Variants in BABAM2 observed in about 807,000 individuals in gnomAD.
The protein encoded by BABAM2 is BRISC and BRCA1-A complex member 2.
BABAM2 carries 31 observed loss-of-function variants against 54.7 expected under a neutral mutation model. The observed-to-expected ratio is 0.57, with a 90% CI of 0.43 to 0.77. BABAM2 has a LOEUF of 0.77. BABAM2 is among the 30% of genes least tolerant of loss of function. The pLI, the probability that BABAM2 is intolerant of heterozygous loss-of-function variation, is 0.00. For missense variants in BABAM2, 364 were observed against 455.8 expected, an observed-to-expected ratio of 0.80 and a Z score of 1.83; for synonymous variants, 167 against 162.9, an observed-to-expected ratio of 1.03 and a Z score of -0.19.
At chr2:28,021,454 T>TC (rs1398851076) in intron 4 of BABAM2, among the ~76,000 whole-genome samples, 1 of 152,190 alleles carries the variant, frequency 6.6e-6, no homozygotes, top group Non-Finnish European at 1.5e-5. Context: ...TTAATATTGT[T>TC]CTTTACATTC....
intron 3 of BABAM2, among the ~76,000 whole-genome samples, chr2:27,985,770 A>G (rs551065253): frequency 1.3e-5 from 2 of 152,294 alleles, no homozygotes; most frequent in African/African-American, 4.8e-5. Flanking sequence ...CTCACTAAAC[A>G]TGAGCTCCTT....
intron 5 of BABAM2, among the ~76,000 whole-genome samples, chr2:28,045,171 G>A (rs1234621640): frequency 2.0e-5 from 3 of 152,110 alleles, no homozygotes; most frequent in South Asian, 4.1e-4. Context: ...AGTTCATGGA[G>A]GGAGTTATGA....
chr2:28,111,668 T>C (rs536142024), intron 6 of BABAM2, among the ~76,000 whole-genome samples: 10 of 152,334 alleles, frequency 6.6e-5, no homozygotes, highest in African/African-American at 2.2e-4. Context: ...AGTTCTTTTT[T>C]TCATCTTTGG....
intron 6 of BABAM2, among the ~76,000 whole-genome samples, chr2:28,098,731 T>C (rs17006516): frequency 0.014 from 2,087 of 152,326 alleles, 40 homozygotes; most frequent in African/African-American, 0.047. Flanking sequence ...ATTGGACTTG[T>C]TGGAATGTGT....
rs911015743 is a variant in BABAM2, at chr2:27,961,735, T to C, written c.206-26258T>C. 1.6e-4 allele frequency among the ~76,000 whole-genome samples: 24 copies of C among 147,980 alleles called. No homozygotes were observed. In the South Asian group the frequency reaches 2.9e-3, roughly 18 times the overall value. On this transcript the variant is annotated intron_variant, in intron 3 of 11. Transcript: ENST00000379624. ...TCCCTTAATTATCTTTTTTTTTTTT[T>C]TTTTTTTTGAGAGAGAGGGTCTCAC... is the stretch of plus-strand genomic sequence containing the variant.
At chr2:28,310,126 A>C (rs757914179) in intron 11 of BABAM2, 1 of 1,614,184 alleles carries the variant, frequency 6.2e-7, no homozygotes, top group East Asian at 2.2e-5. Context: ...TCTGCCTGAC[A>C]TCCAGGCATC....
At chr2:28,246,349 T>A (rs1682915170) in intron 10 of BABAM2, among the ~76,000 whole-genome samples, 1 of 152,276 alleles carries the variant, frequency 6.6e-6, no homozygotes, top group Non-Finnish European at 1.5e-5. Flanking sequence ...TCCTATTTGC[T>A]GTATTCACTT....
chr2:28,298,465 T>A lies in BABAM2; in HGVS notation c.1062T>A (p.Asp354Glu). The A allele has an allele frequency of 6.2e-7, 1 of 1,614,126 alleles. No individual in the cohort carries two copies. The highest frequency in any genetic ancestry group is 8.5e-7 in the Non-Finnish European group (1 of 1,179,998). Residue 354 changes from aspartate to glutamate, a missense_variant, in exon 11 of 12, where the codon GAT becomes GAA. Physicochemically the swap from Asp to Glu is conservative, Grantham distance 45 (BLOSUM62 2). Coordinates refer to ENST00000379624, the MANE Select transcript of BABAM2 (RefSeq NM_199191.3). ...QKNYPYSPRW[D>E]GNEMAKRAKA... ...ATTATCCGTACAGCCCCAGATGGGA[T>A]GGAAATGAAATGGCCAAAAGAGCAA... is the stretch of plus-strand genomic sequence containing the variant.
At chr2:27,988,452 G>A (rs1313524259) in intron 4 of BABAM2, among the ~76,000 whole-genome samples, 2 of 152,134 alleles carry the variant, frequency 1.3e-5, no homozygotes, top group Non-Finnish European at 2.9e-5. Flanking sequence ...GGCTCGTTAG[G>A]AGAGTGTTTC....
chr2:28,212,547 G>A (rs1415441808), intron 7 of BABAM2, among the ~76,000 whole-genome samples: 1 of 152,026 alleles, frequency 6.6e-6, no homozygotes, highest in African/African-American at 2.4e-5. Flanking sequence ...GATAATATGA[G>A]CGTGTATTCT....
chr2:28,008,826 C>G (rs1374643268), intron 4 of BABAM2, among the ~76,000 whole-genome samples: 1 of 152,056 alleles, frequency 6.6e-6, no homozygotes, highest in Non-Finnish European at 1.5e-5. Context: ...AAATTCATTA[C>G]TATAGGAGAA....
At chr2:27,980,970 A>G (rs373074074) in intron 3 of BABAM2, among the ~76,000 whole-genome samples, 5 of 152,114 alleles carry the variant, frequency 3.3e-5, no homozygotes, top group South Asian at 4.1e-4. Flanking sequence ...TTTGATTTTT[A>G]TACATTATGT....
chr2:28,030,517 G>A (rs1242971974), intron 5 of BABAM2, among the ~76,000 whole-genome samples: 2 of 152,122 alleles, frequency 1.3e-5, no homozygotes, highest in African/African-American at 2.4e-5. Context: ...TTGGAATCAG[G>A]GAAGATCAAG....
chr2:28,311,867 C>T (rs1321340403), intron 11 of BABAM2, among the ~76,000 whole-genome samples: 1 of 152,176 alleles, frequency 6.6e-6, no homozygotes, highest in African/African-American at 2.4e-5. Flanking sequence ...GTACGTGATG[C>T]CTTTTTGTAC....
At chr2:27,937,809 T>G (rs902539306) in intron 3 of BABAM2, among the ~76,000 whole-genome samples, 1 of 152,236 alleles carries the variant, frequency 6.6e-6, no homozygotes, top group Non-Finnish European at 1.5e-5. Flanking sequence ...AGCTTCTTAG[T>G]TTGATGTAAT....
At chr2:28,256,991 G>A (rs917907012) in intron 10 of BABAM2, among the ~76,000 whole-genome samples, 3 of 152,096 alleles carry the variant, frequency 2.0e-5, no homozygotes, top group African/African-American at 7.2e-5. Context: ...CACCACGCCC[G>A]GCCTGGACAG....
chr2:28,075,353 C>G (rs1300037921), intron 6 of BABAM2, among the ~76,000 whole-genome samples: 1 of 152,108 alleles, frequency 6.6e-6, no homozygotes, highest in African/African-American at 2.4e-5. Context: ...AGGCTCCTAA[C>G]AAATTAGTAA....
intron 7 of BABAM2, among the ~76,000 whole-genome samples, chr2:28,146,489 T>C (rs1050510472): frequency 2.0e-5 from 3 of 152,108 alleles, no homozygotes; most frequent in African/African-American, 7.2e-5. Flanking sequence ...AGGATTCATA[T>C]CCAAAATAAA....
At chr2:28,286,967 CT>C (rs923963625) in intron 10 of BABAM2, among the ~76,000 whole-genome samples, 5 of 150,416 alleles carry the variant, frequency 3.3e-5, no homozygotes, top group African/African-American at 9.8e-5. Flanking sequence ...ATTTGAGGAA[CT>C]TTTTTTTTTC....
Sources: allele counts gnomAD v4.1 joint callset (sites outside exome capture counted in the v4.1 genomes callset), GRCh38; gene constraint gnomAD v4.1.1; transcripts MANE v1.5; gene names NCBI Gene and HGNC (gene_info 2026-07-23, HGNC 2026-07-21).